The following PCSK2 variants were observed in gnomAD, a reference collection of about 807,000 sequenced individuals.
PCSK2 encodes the protein proprotein convertase subtilisin/kexin type 2, also known as neuroendocrine convertase 2.
PCSK2 carries 14 observed loss-of-function variants against 69.7 expected under a neutral mutation model. That is an observed-to-expected ratio of 0.20 (90% CI 0.13 to 0.31). The LOEUF (loss-of-function observed/expected upper bound fraction) is 0.31, where lower values mean the gene tolerates loss of function less well. Ranked by LOEUF, PCSK2 falls within the 10% of genes least tolerant of loss-of-function variation. PCSK2 has a pLI of 1.00. For synonymous variants in PCSK2, 307 were observed against 320.7 expected (o/e 0.96, Z 0.46); for missense variants, 544 against 842.5 (o/e 0.65, Z 4.39).
At chr20:17,452,918 T>C (rs1240096873) in intron 8 of PCSK2, among the ~76,000 whole-genome samples, 1 of 152,258 alleles carries the variant, frequency 6.6e-6, no homozygotes, top group Non-Finnish European at 1.5e-5. Flanking sequence ...CTGTAGGGAC[T>C]TATGCAAAGT....
chr20:17,377,007 G>A (rs1003696538), intron 5 of PCSK2, among the ~76,000 whole-genome samples: 5 of 152,132 alleles, frequency 3.3e-5, no homozygotes, highest in Non-Finnish European at 7.3e-5. Flanking sequence ...TGCCACCATT[G>A]CCTCCTTCAT....
intron 2 of PCSK2, among the ~76,000 whole-genome samples, chr20:17,312,858 A>G (rs973117269): frequency 2.0e-5 from 3 of 152,178 alleles, no homozygotes; most frequent in Non-Finnish European, 4.4e-5. Context: ...TAAACTTCTT[A>G]GATTTATATG....
chr20:17,333,910 C>CATATACATATATATATATATATAT (rs1990270605), intron 2 of PCSK2, among the ~76,000 whole-genome samples: 1 of 86,372 alleles, frequency 1.2e-5, no homozygotes, highest in Non-Finnish European at 2.4e-5. Context: ...TAAGTCACTG[C>CATATACATATATATATATATATAT]ATATATATAT....
In PCSK2 at chr20:17,379,486, A is replaced by G. The variant is rs530761052; in HGVS notation, c.543+10209A>G. Reference sequence around the variant, plus strand: ...GGAGTCTTCTAAAATATGATAGAAGATAAATTTTGTGGTTGTGTCAAAGAA... The same window carrying G: ...GGAGTCTTCTAAAATATGATAGAAGGTAAATTTTGTGGTTGTGTCAAAGAA... On this transcript the variant is annotated intron_variant, in intron 5 of 11. Coordinates refer to ENST00000262545, the MANE Select transcript of PCSK2 (RefSeq NM_002594.5). 6.4e-4 allele frequency among the ~76,000 whole-genome samples: 97 copies of G among 152,178 alleles called. No homozygotes were observed. In the South Asian group the frequency reaches 8.7e-3, roughly 14 times the overall value.
intron 2 of PCSK2, 72 bp downstream of exon 2, chr20:17,260,416 G>C: frequency 2.0e-6 from 2 of 1,010,666 alleles, no homozygotes; most frequent in Non-Finnish European, 3.2e-6. Flanking sequence ...GGTGTGGAGG[G>C]GCTGGCAGGG....
At chr20:17,392,847 C>A (rs577506824) in intron 5 of PCSK2, among the ~76,000 whole-genome samples, 2 of 152,080 alleles carry the variant, frequency 1.3e-5, no homozygotes, top group African/African-American at 4.8e-5. Context: ...GGATAACTTT[C>A]AGTTTGGACG....
chr20:17,481,580 T>A lies in PCSK2; in HGVS notation c.1431-4T>A. The A allele has an allele frequency of 6.2e-7, 1 of 1,612,948 alleles. No individual in the cohort carries two copies. The highest frequency in any genetic ancestry group is 8.5e-7 in the Non-Finnish European group (1 of 1,179,372). On this transcript the variant is annotated splice_polypyrimidine_tract_variant and splice_region_variant and intron_variant, in intron 11 of 11. Coordinates refer to ENST00000262545, the MANE Select transcript of PCSK2 (RefSeq NM_002594.5). ...ATCCTATCTCCTCTTCACTCTGCCCTCAGGAAAATACCATCCACTGGCAAG... is the reference window on the plus strand; with the variant it reads ...ATCCTATCTCCTCTTCACTCTGCCCACAGGAAAATACCATCCACTGGCAAG...
intron 2 of PCSK2, among the ~76,000 whole-genome samples, chr20:17,262,089 T>C (rs1006771842): frequency 6.6e-6 from 1 of 152,230 alleles, no homozygotes; most frequent in African/African-American, 2.4e-5. Flanking sequence ...AAATGCTGAT[T>C]CTTGAAGTAT....
chr20:17,438,938 G>A (rs2032541876), intron 8 of PCSK2, among the ~76,000 whole-genome samples: 1 of 152,194 alleles, frequency 6.6e-6, no homozygotes. Context: ...CTTGCTCGCA[G>A]GTTGCTCCTG....
intron 7 of PCSK2, among the ~76,000 whole-genome samples, chr20:17,431,913 G>C (rs979079002): frequency 1.3e-5 from 2 of 152,134 alleles, no homozygotes; most frequent in Non-Finnish European, 2.9e-5. Context: ...GAGCTTTCTG[G>C]GCTAAGGAGG....
Position 17,482,148 on chromosome 20 carries a change from C to A in PCSK2, c.*78C>A. On this transcript the variant is annotated 3_prime_UTR_variant, in exon 12 of 12. Coordinates refer to ENST00000262545, the MANE Select transcript of PCSK2 (RefSeq NM_002594.5). ...CTCGCTCCACGTTTCAGGCAGGCAC[C>A]TAGCAATTCCATCACCCGTACAGGC... The A allele has an allele frequency of 2.9e-6, 4 of 1,365,164 alleles. No individual in the cohort carries two copies. Among genetic ancestry groups the A allele is most frequent in the Non-Finnish European group, 2.9e-6 (3 of 1,020,188 alleles). 84.6% of individuals were successfully genotyped at this position (1,365,164 alleles called of 1,614,324 possible).
chr20:17,454,326 T>A (rs2032880826), intron 9 of PCSK2, among the ~76,000 whole-genome samples: 1 of 152,228 alleles, frequency 6.6e-6, no homozygotes, highest in African/African-American at 2.4e-5. Flanking sequence ...TGTAACCCTG[T>A]CTGAAACAAG....
At chr20:17,330,584 T>C (rs1568605960) in intron 2 of PCSK2, among the ~76,000 whole-genome samples, 7 of 151,952 alleles carry the variant, frequency 4.6e-5, no homozygotes, top group Admixed American at 3.3e-4. Context: ...ACCACTGCAC[T>C]CCAGCCTGGG....
At chr20:17,235,889 C>T (rs1009800083) in intron 1 of PCSK2, among the ~76,000 whole-genome samples, 17 of 151,872 alleles carry the variant, frequency 1.1e-4, no homozygotes, top group African/African-American at 3.9e-4. Flanking sequence ...TCATGAATAC[C>T]GTGAGTGGAC....
At chr20:17,330,392 G>A (rs1395800069) in intron 2 of PCSK2, among the ~76,000 whole-genome samples, 1 of 152,004 alleles carries the variant, frequency 6.6e-6, no homozygotes, top group Non-Finnish European at 1.5e-5. Context: ...AGGAGTTCGA[G>A]ACCAGCCTGA....
chr20:17,228,388 G>C (rs1235812946), intron 1 of PCSK2: 1 of 153,382 alleles, frequency 6.5e-6, no homozygotes, highest in African/African-American at 2.4e-5. Flanking sequence ...AGGGCGCTGG[G>C]TGGGGGCTGT....
At chr20:17,364,210 A>G (rs535667662) in intron 4 of PCSK2, among the ~76,000 whole-genome samples, 1 of 152,264 alleles carries the variant, frequency 6.6e-6, no homozygotes, top group South Asian at 2.1e-4. Context: ...AAATTCAAAT[A>G]AATAAATAAA....
At chr20:17,318,254 C>T (rs1055901195) in intron 2 of PCSK2, among the ~76,000 whole-genome samples, 24 of 152,168 alleles carry the variant, frequency 1.6e-4, no homozygotes, top group African/African-American at 5.3e-4. Context: ...AGTCCTTGAA[C>T]TTGTGTTCTA....
intron 2 of PCSK2, among the ~76,000 whole-genome samples, chr20:17,271,166 G>A (rs1452582971): frequency 6.6e-6 from 1 of 151,796 alleles, no homozygotes; most frequent in Non-Finnish European, 1.5e-5. Flanking sequence ...GCATTTATAT[G>A]TTGGTATCCT....
Sources: gnomAD v4.1 joint callset for allele counts (sites outside exome capture counted in the v4.1 genomes callset) on GRCh38, gnomAD v4.1.1 for gene constraint, MANE v1.5 for transcripts, NCBI Gene and HGNC (gene_info 2026-07-23, HGNC 2026-07-21) for gene names.